Variants in FLT1 observed in about 807,000 individuals in gnomAD.
FLT1 encodes fms related receptor tyrosine kinase 1.
In FLT1, 49 loss-of-function variants were observed where a neutral mutation model predicts 156.3. The ratio of observed to expected loss-of-function variants is 0.31; its 90% CI spans 0.25 to 0.40. FLT1 has a LOEUF of 0.40. FLT1 is among the 10% of genes least tolerant of loss of function. The probability of loss-of-function intolerance (pLI) is 1.00; values close to 1 mark genes in which losing one functional copy is unlikely to be tolerated. For synonymous variants in FLT1, 594 were observed against 583.8 expected (o/e 1.02, Z -0.25); for missense variants, 1,322 against 1,637.2 (o/e 0.81, Z 3.32).
intron 12 of FLT1, among the ~76,000 whole-genome samples, chr13:28,391,649 G>A: frequency 6.6e-6 from 1 of 152,208 alleles, no homozygotes; most frequent in Non-Finnish European, 1.5e-5. Flanking sequence ...TCACAGACAT[G>A]TGTCCTTAAC....
At chr13:28,414,895 T>C (rs571522045) in intron 10 of FLT1, among the ~76,000 whole-genome samples, 1 of 152,298 alleles carries the variant, frequency 6.6e-6, no homozygotes, top group South Asian at 2.1e-4. Context: ...GACTGTCAAA[T>C]GACCTCACAT....
At chr13:28,353,535 T>G (rs940430618) in intron 15 of FLT1, among the ~76,000 whole-genome samples, 7 of 146,880 alleles carry the variant, frequency 4.8e-5, no homozygotes, top group Admixed American at 3.5e-4. Context: ...ATCATGCCAC[T>G]GCACTCTAGC....
In FLT1 at chr13:28,473,729, A is replaced by AGAAAGAAG. The variant is rs1566050283; in HGVS notation, c.65-6113_65-6112insCTTCTTTC. 1.2e-3 allele frequency among the ~76,000 whole-genome samples: 102 copies of AGAAAGAAG among 84,254 alleles called. 1 individual carries two copies. The highest frequency in any genetic ancestry group is 2.0e-3 in the South Asian group (4 of 2,002). 55.3% of individuals were successfully genotyped at this position (84,254 alleles called of 152,430 possible). On this transcript the variant is annotated intron_variant, in intron 1 of 29. Coordinates refer to ENST00000282397, the MANE Select transcript of FLT1 (RefSeq NM_002019.4). ...AAGAAAGAAAGAAAGAAAGAAAGAA[A>AGAAAGAAG]GAAGGAAGGAAGGAAGGAAGGAAGG... is the stretch of plus-strand genomic sequence containing the variant.
At chr13:28,377,418 A>G (rs1244610306) in intron 14 of FLT1, among the ~76,000 whole-genome samples, 3 of 144,710 alleles carry the variant, frequency 2.1e-5, no homozygotes, top group African/African-American at 4.9e-5. Flanking sequence ...TGATACCATG[A>G]TTGAGCCATA....
intron 10 of FLT1, among the ~76,000 whole-genome samples, chr13:28,406,188 T>C (rs1294280019): frequency 6.6e-6 from 1 of 152,236 alleles, no homozygotes; most frequent in Non-Finnish European, 1.5e-5. Flanking sequence ...ATCTAGATTT[T>C]AGTTTTTAGT....
chr13:28,453,198 A>G (rs943707586), intron 3 of FLT1, among the ~76,000 whole-genome samples: 3 of 148,808 alleles, frequency 2.0e-5, no homozygotes, highest in African/African-American at 5.0e-5. Context: ...ATCTCAGCTC[A>G]CTGCAAGCTT....
At chr13:28,388,402 T>A (rs1170700629) in intron 13 of FLT1, 1 of 1,056,336 alleles carries the variant, frequency 9.5e-7, no homozygotes, top group African/African-American at 1.6e-5. Flanking sequence ...TCACCTCCTA[T>A]TGAACTGCCC....
intron 17 of FLT1, among the ~76,000 whole-genome samples, chr13:28,338,665 G>T (rs1288616696): frequency 6.6e-6 from 1 of 152,140 alleles, no homozygotes; most frequent in African/African-American, 2.4e-5. Flanking sequence ...TGTGCAGAGG[G>T]TTTTTTTGAT....
chr13:28,467,176 A>G (rs764903427), intron 2 of FLT1, 47 bp from the exon 3 acceptor site: 4 of 1,386,068 alleles, frequency 2.9e-6, no homozygotes, highest in Non-Finnish European at 3.1e-6. Context: ...GCTGGGCCCT[A>G]GGCTCAGCAC....
At chr13:28,311,932 A>G in intron 26 of FLT1, 61 bp downstream of exon 26, 1 of 1,261,966 alleles carries the variant, frequency 7.9e-7, no homozygotes, top group Non-Finnish European at 1.1e-6. Context: ...AAAAAAAACA[A>G]ATAAAATGCC....
At chr13:28,432,357 G>A (rs1877745087) in intron 6 of FLT1, among the ~76,000 whole-genome samples, 2 of 152,072 alleles carry the variant, frequency 1.3e-5, no homozygotes, top group African/African-American at 4.8e-5. Context: ...TTCATTCTCA[G>A]CAATAACCAG....
rs1870629751 is a variant in FLT1, at chr13:28,303,993, T to C, written c.3816-625A>G. On this transcript the variant is annotated intron_variant, in intron 29 of 29. Transcript: ENST00000282397. Reference sequence around the variant, plus strand: ...TTGCTTCTGGGTCCTCTGTGTTACATCCAGACTAGGACAGACACCTGAGGA... The same window carrying C: ...TTGCTTCTGGGTCCTCTGTGTTACACCCAGACTAGGACAGACACCTGAGGA... Among the ~76,000 whole-genome samples the C allele has an allele frequency of 3.3e-5, 5 of 152,288 alleles. No individual in the cohort carries two copies. The South Asian group carries it at 1.0e-3, about 32-fold the overall frequency.
rs371568267 is a variant in FLT1, at chr13:28,463,489, T to A, written c.388+3414A>T. On this transcript the variant is annotated intron_variant, in intron 3 of 29. Transcript: ENST00000282397. ...CAAATCTACCTTTTCAAAAGATGTG[T>A]TTACATAGGGTTACTCATCCTTAGA... is the stretch of plus-strand genomic sequence containing the variant. Among the ~76,000 whole-genome samples, 8 of 152,286 alleles carry A rather than the reference T, an allele frequency of 5.3e-5. No homozygotes were observed. In the South Asian group the frequency reaches 1.7e-3, roughly 32 times the overall value.
Position 28,323,944 on chromosome 13 carries a change from C to T in FLT1, c.2797-998G>A, listed in dbSNP as rs553277693. On this transcript the variant is annotated intron_variant, in intron 20 of 29. Transcript: ENST00000282397. ...TGATCCTAACAAGGGTAGCAATGGC[C>T]TTTCACCCTGGACTGCACATCCAAG... Among the ~76,000 whole-genome samples the T allele has an allele frequency of 1.8e-4, 28 of 152,270 alleles. No individual in the cohort carries two copies. The South Asian group carries it at 5.2e-3, about 28-fold the overall frequency.
chr13:28,337,712 G>C (rs897911298), intron 17 of FLT1, among the ~76,000 whole-genome samples: 30 of 152,230 alleles, frequency 2.0e-4, no homozygotes, highest in African/African-American at 7.2e-4. Flanking sequence ...TAAACCCACA[G>C]AGCCCCAGGG....
At chr13:28,326,458 A>G (rs563747172) in intron 20 of FLT1, among the ~76,000 whole-genome samples, 1 of 151,624 alleles carries the variant, frequency 6.6e-6, no homozygotes, top group Admixed American at 6.6e-5. Context: ...TATTGGTGCC[A>G]TATGTCACAC....
chr13:28,381,082 C>G (rs1874061762), intron 14 of FLT1, among the ~76,000 whole-genome samples: 1 of 152,148 alleles, frequency 6.6e-6, no homozygotes. Flanking sequence ...CTTGTCTCTC[C>G]TCTAGTCTCA....
chr13:28,453,157 C>A (rs191005174), intron 3 of FLT1, among the ~76,000 whole-genome samples: 11 of 142,276 alleles, frequency 7.7e-5, no homozygotes, highest in African/African-American at 2.3e-4. Context: ...GAGTTTCACT[C>A]TTGTTGCCCA....
In FLT1 at chr13:28,303,312, C is replaced by T; in HGVS notation, c.3872G>A (p.Ser1291Asn). 6.2e-7 allele frequency: 1 copy of T among 1,614,174 alleles called. No homozygotes were observed. The highest frequency in any genetic ancestry group is 8.5e-7 in the Non-Finnish European group (1 of 1,180,044). The change falls in exon 30 of 30, where the codon AGT (serine) becomes AAT (asparagine). Residue 1291 changes from serine to asparagine, a missense_variant. Around this residue, in one of 3 missense-constraint regions of FLT1, gnomAD observed 329 missense variants for 366.2 expected, o/e 0.90. Transcript: ENST00000282397. ...ESGLSDVSRPSFCHSSCGHVS... is the reference protein window; with the variant it reads ...ESGLSDVSRPNFCHSSCGHVS... ...GTGCCCACAGCTGGAATGGCAGAAA[C>T]TGGGCCTGCTGACATCAGACAGCCC...
Sources: gnomAD v4.1 joint callset for allele counts (sites outside exome capture counted in the v4.1 genomes callset) on GRCh38, gnomAD v4.1.1 for gene constraint, gnomAD v4.1.1 regional missense constraint, MANE v1.5 for transcripts, NCBI Gene and HGNC (gene_info 2026-07-23, HGNC 2026-07-21) for gene names.